PDCD4: variants seen among roughly 807,000 people sequenced by gnomAD.
PDCD4 encodes the protein programmed cell death protein 4.
In PDCD4, 56 loss-of-function variants were observed where a neutral mutation model predicts 54.0. The ratio of observed to expected loss-of-function variants is 1.04; its 90% CI spans 0.84 to 1.30. The LOEUF is 1.30. Among genes scored for constraint, PDCD4 ranks in the 50% most tolerant of loss-of-function variants. The probability of loss-of-function intolerance (pLI) is 0.00; values close to 1 mark genes in which losing one functional copy is unlikely to be tolerated. For missense variants in PDCD4, 584 were observed against 559.8 expected, an observed-to-expected ratio of 1.04 and a Z score of -0.44; for synonymous variants, 186 against 194.8, an observed-to-expected ratio of 0.95 and a Z score of 0.37.
chr10:110,878,549 A>T (rs773208013), intron 2 of PDCD4, among the ~76,000 whole-genome samples: 1 of 152,114 alleles, frequency 6.6e-6, no homozygotes, highest in Non-Finnish European at 1.5e-5. Context: ...AATTTATGTG[A>T]TCCTGATCTT....
intron 2 of PDCD4, 94 bp from the exon 3 acceptor site, chr10:110,881,139 C>T (rs1022094297): frequency 1.8e-5 from 15 of 850,626 alleles, no homozygotes; most frequent in Non-Finnish European, 2.8e-5. Context: ...ATGGTAATGT[C>T]ATGTGATTCA....
chr10:110,889,601 C>A lies in PDCD4; in HGVS notation c.846C>A (p.Tyr282Ter), dbSNP rs773896981. ...TATGTAATACCTATATTGATAGTTA[C>A]AAAGGAACTGTAGATTGTGTGCAGG... ...GILCNTYIDS[Y>*]KGTVDCVQAR... Residue 282 changes from tyrosine (Y) to a stop codon, truncating the protein, a stop_gained, in exon 7 of 12, where the codon TAC (tyrosine) becomes TAA (stop). Transcript: ENST00000280154. LOFTEE classifies it high-confidence loss of function. The A allele has an allele frequency of 2.5e-6, 4 of 1,601,656 alleles. No homozygotes were observed. Among genetic ancestry groups the A allele is most frequent in the African/African-American group, 1.3e-5 (1 of 74,366 alleles).
At position 110,881,477 on chromosome 10, in the gene PDCD4, G is replaced by A. The variant is rs777538654; in HGVS notation, c.288G>A (p.Lys96=). ...RSGLTVPTSP[K]GRLLDRRSRS... is the part of the protein sequence containing the mutation. Reference sequence around the variant, plus strand: ...GATTAACTGTGCCAACCAGTCCAAAGGGAAGGTTGCTGGATAGGCGATCCA... The same window carrying A: ...GATTAACTGTGCCAACCAGTCCAAAAGGAAGGTTGCTGGATAGGCGATCCA... Residue 96 remains lysine (K), a synonymous_variant, in exon 3 of 12, where the codon AAG becomes AAA. Coordinates refer to ENST00000280154, the MANE Select transcript of PDCD4 (RefSeq NM_014456.5). 1 of 1,614,118 alleles carries A rather than the reference G, an allele frequency of 6.2e-7. No individual in the cohort carries two copies. The highest frequency in any genetic ancestry group is 1.1e-5 in the South Asian group (1 of 91,072).
At chr10:110,896,114 A>T in intron 11 of PDCD4, 27 bp downstream of exon 11, 1 of 1,527,642 alleles carries the variant, frequency 6.5e-7, no homozygotes, top group Non-Finnish European at 8.9e-7. Flanking sequence ...CTACTTTCTC[A>T]ATGTAAAATA....
rs897802703 is a variant in PDCD4 at position 110,899,413 on chromosome 10, A to T, written c.*1325A>T. 6.6e-6 allele frequency: 1 copy of T among 152,188 alleles called. No homozygotes were observed. Among genetic ancestry groups the T allele is most frequent in the African/African-American group, 2.4e-5 (1 of 41,448 alleles). The allele number at this position is 152,188 out of a possible 1,614,324, so 9.4% of individuals were successfully genotyped here. A position where few individuals can be genotyped will look rare whatever the true frequency, so the allele number is the denominator to read the frequency against. On this transcript the variant is annotated 3_prime_UTR_variant, in exon 12 of 12. Coordinates refer to ENST00000280154, the MANE Select transcript of PDCD4 (RefSeq NM_014456.5). ...AGGTTTTTAATTGTTTGACACTTGG[A>T]TGATAAATGCAGTCATTTTATTCTC...
chr10:110,877,474 G>A (rs1176696320), intron 2 of PDCD4, among the ~76,000 whole-genome samples: 4 of 152,074 alleles, frequency 2.6e-5, no homozygotes, highest in African/African-American at 7.2e-5. Context: ...AGATGATATG[G>A]TTATATTAGA....
Position 110,894,455 on chromosome 10 carries a change from A to C in PDCD4, c.1142A>C (p.Lys381Thr). The C allele has an allele frequency of 1.3e-6, 2 of 1,577,114 alleles. No individual in the cohort carries two copies. The highest frequency in any genetic ancestry group is 1.7e-6 in the Non-Finnish European group (2 of 1,147,598). The change falls in exon 10 of 12, where the codon AAG (lysine) becomes ACG (threonine). Residue 381 changes from lysine (K) to threonine (T), a missense_variant. Transcript: ENST00000280154. ...GAGTCAACTGGAGAAAGTACATTTAAGATGATTTTGGATTTATTAAAGTCC... is the reference window on the plus strand; with the variant it reads ...GAGTCAACTGGAGAAAGTACATTTACGATGATTTTGGATTTATTAAAGTCC... ...VLESTGESTF[K>T]MILDLLKSLW...
intron 5 of PDCD4, 43 bp downstream of exon 5, chr10:110,885,409 G>A (rs373123924): frequency 3.6e-4 from 306 of 859,074 alleles, no homozygotes; most frequent in Non-Finnish European, 4.8e-4. Context: ...ATATAGGAGA[G>A]AAGACATCTT....
intron 11 of PDCD4, among the ~76,000 whole-genome samples, chr10:110,897,085 C>G (rs1845848061): frequency 6.6e-6 from 1 of 152,186 alleles, no homozygotes; most frequent in African/African-American, 2.4e-5. Flanking sequence ...TGGTCTCATA[C>G]AGTCTGAAGC....
intron 10 of PDCD4, 42 bp downstream of exon 10, chr10:110,894,564 C>A: frequency 1.1e-6 from 1 of 871,852 alleles, no homozygotes; most frequent in African/African-American, 1.7e-5. Flanking sequence ...AGGATTATGT[C>A]TTAAATATAT....
chr10:110,889,979 T>A (rs772387543), intron 7 of PDCD4, among the ~76,000 whole-genome samples: 4 of 152,234 alleles, frequency 2.6e-5, no homozygotes, highest in Non-Finnish European at 5.9e-5. Flanking sequence ...ATAAGATGGA[T>A]AACCTTAAGA....
intron 2 of PDCD4, chr10:110,876,738 G>A: frequency 1.5e-6 from 2 of 1,303,452 alleles, no homozygotes; most frequent in East Asian, 2.7e-5. Flanking sequence ...CAGTTTTGTG[G>A]AATAGATGAC....
intron 11 of PDCD4, among the ~76,000 whole-genome samples, chr10:110,897,502 G>C (rs937085264): frequency 6.6e-6 from 1 of 152,190 alleles, no homozygotes; most frequent in African/African-American, 2.4e-5. Context: ...AGGGCTTCTT[G>C]AGTTTGACAA....
At chr10:110,872,777 C>T (rs1845440205) in intron 1 of PDCD4, among the ~76,000 whole-genome samples, 1 of 152,172 alleles carries the variant, frequency 6.6e-6, no homozygotes, top group Non-Finnish European at 1.5e-5. Flanking sequence ...AAAACAAAGC[C>T]GGGAAGGGAG....
At chr10:110,896,498 T>C (rs764045630) in intron 11 of PDCD4, among the ~76,000 whole-genome samples, 11 of 152,178 alleles carry the variant, frequency 7.2e-5, no homozygotes, top group Non-Finnish European at 5.9e-5. Flanking sequence ...GTACTGGATG[T>C]GGCTTCCTTG....
intron 1 of PDCD4, among the ~76,000 whole-genome samples, chr10:110,875,113 G>A (rs1379179945): frequency 1.3e-5 from 2 of 152,016 alleles, no homozygotes; most frequent in Non-Finnish European, 2.9e-5. Context: ...GCACTTTCTG[G>A]TAATATATTT....
intron 9 of PDCD4, 64 bp downstream of exon 9, chr10:110,894,262 A>G (rs1845797551): frequency 9.0e-6 from 9 of 996,224 alleles, no homozygotes; most frequent in Admixed American, 1.9e-5. Flanking sequence ...GTAGCGACTT[A>G]TGCTTTTTAA....
Position 110,881,268 on chromosome 10 carries a change from G to A in PDCD4, c.79G>A (p.Asp27Asn). Residue 27 changes from aspartate to asparagine, a missense_variant, in exon 3 of 12, where the codon GAT becomes AAT. Transcript: ENST00000280154. The stretch of plus-strand genomic sequence containing the variant: ...CTTAAGTGACTCTCTCTTTTCCGGT[G>A]ATGAAGAAAATGCTGGGACTGAGGA... ...DNLSDSLFSG[D>N]EENAGTEEIK... 6.2e-7 allele frequency: 1 copy of A among 1,613,306 alleles called. No homozygotes were observed. Among genetic ancestry groups the A allele is most frequent in the Non-Finnish European group, 8.5e-7 (1 of 1,179,480 alleles).
chr10:110,878,914 GAAAGAAACAGT>G (rs1334563580), intron 2 of PDCD4, among the ~76,000 whole-genome samples: 15 of 152,120 alleles, frequency 9.9e-5, no homozygotes, highest in Non-Finnish European at 2.2e-4. Flanking sequence ...TGGTAATGAT[GAAAGAAACAGT>G]ACTACGACTA....
Sources: allele counts gnomAD v4.1 joint callset (sites outside exome capture counted in the v4.1 genomes callset), GRCh38; gene constraint gnomAD v4.1.1; transcripts MANE v1.5; gene names NCBI Gene and HGNC (gene_info 2026-07-23, HGNC 2026-07-21).